Variants in ARID1B observed in about 807,000 individuals in gnomAD.
ARID1B encodes AT-rich interaction domain 1B, also known as AT-rich interactive domain-containing protein 1B.
A neutral mutation model predicts 212.3 loss-of-function variants in ARID1B; 30 were observed. The ratio of observed to expected loss-of-function variants is 0.14; its 90% CI spans 0.11 to 0.19. The LOEUF is 0.19. Ranked by LOEUF, ARID1B falls within the 10% of genes least tolerant of loss-of-function variation. The pLI is 1.00. For synonymous variants in ARID1B, 1,402 were observed against 1,301.7 expected (o/e 1.08, Z -1.66); for missense variants, 2,891 against 3,204.0 (o/e 0.90, Z 2.36).
rs527645661 is a variant in ARID1B, at chr6:156,806,585, C to T, written c.1792-22642C>T. Among the ~76,000 whole-genome samples the T allele has an allele frequency of 3.3e-5, 5 of 152,256 alleles. No individual in the cohort carries two copies. The South Asian group carries it at 6.2e-4, about 19-fold the overall frequency. On this transcript the variant is annotated intron_variant, in intron 1 of 19. Transcript: ENST00000636930. ...TTATCTAGTCCTCACAGTAATCTTG[C>T]GAGGTTTGGTTAATATCCCTGTTTC...
chr6:156,856,700 T>TCA (rs141705209), intron 2 of ARID1B, among the ~76,000 whole-genome samples: 581 of 114,706 alleles, frequency 5.1e-3, no homozygotes, highest in Middle Eastern at 0.023. Flanking sequence ...TCTCTCTCTC[T>TCA]CACACACACA....
At chr6:156,959,967 G>T (rs1193609369) in intron 4 of ARID1B, among the ~76,000 whole-genome samples, 1 of 134,366 alleles carries the variant, frequency 7.4e-6, no homozygotes. Context: ...GTCTCACTCT[G>T]TCGCCCTGGC....
chr6:156,778,201 ACCACCACCACCACCATGCCCACCACCT>A lies in ARID1B; in HGVS notation c.535_561del (p.His179_His187del), dbSNP rs1225430487. 21 of 1,505,312 alleles carry A rather than the reference ACCACCACCACCACCATGCCCACCACCT, an allele frequency of 1.4e-5. No homozygotes were observed. The highest frequency in any genetic ancestry group is 2.0e-5 in the Admixed American group (1 of 49,792). 93.2% of individuals were successfully genotyped at this position (1,505,312 alleles called of 1,614,324 possible). A position where few individuals can be genotyped will look rare whatever the true frequency, so the allele number is the denominator to read the frequency against. On this transcript the variant is annotated inframe_deletion, in exon 1 of 20. Transcript: ENST00000636930. ...CAGCACCACCACCACCACCATGCCC[ACCACCACCACCACCATGCCCACCACCT>A]CCACCACCACCACGCACTACAGCAG...
At chr6:157,005,422 GGGATTACA>G (rs969680181) in intron 4 of ARID1B, among the ~76,000 whole-genome samples, 2 of 152,102 alleles carry the variant, frequency 1.3e-5, no homozygotes, top group Non-Finnish European at 2.9e-5. Context: ...CCAAAGTGCT[GGGATTACA>G]GGCGTGAGTC....
At chr6:156,844,878 A>G (rs6912237) in intron 2 of ARID1B, among the ~76,000 whole-genome samples, 14,684 of 152,148 alleles carry the variant, frequency 0.097, 967 homozygotes, top group East Asian at 0.3. Flanking sequence ...ACTGCCCATT[A>G]TTTTACGTTT....
At chr6:156,902,734 T>TAAA (rs1789049485) in intron 3 of ARID1B, among the ~76,000 whole-genome samples, 1 of 44,334 alleles carries the variant, frequency 2.3e-5, no homozygotes, top group Non-Finnish European at 3.8e-5. Flanking sequence ...AGACTCTGTC[T>TAAA]CAAAAAAAAA....
At chr6:157,077,503 C>A (rs1053567501) in intron 4 of ARID1B, among the ~76,000 whole-genome samples, 1 of 152,126 alleles carries the variant, frequency 6.6e-6, no homozygotes, top group Non-Finnish European at 1.5e-5. Context: ...TGAGCATGCC[C>A]TCCCCTCACT....
chr6:157,118,902 A>G (rs1173774437), intron 6 of ARID1B, among the ~76,000 whole-genome samples: 1 of 152,250 alleles, frequency 6.6e-6, no homozygotes, highest in Admixed American at 6.5e-5. Context: ...TGAATTGCCA[A>G]TTAAAGTGGG....
intron 1 of ARID1B, among the ~76,000 whole-genome samples, chr6:156,807,131 A>C (rs1781220470): frequency 7.1e-6 from 1 of 140,482 alleles, no homozygotes; most frequent in Non-Finnish European, 1.6e-5. Context: ...CCGTCCAAGT[A>C]TTGTGCACCC....
chr6:156,945,444 G>A (rs1401681134), intron 4 of ARID1B, among the ~76,000 whole-genome samples: 1 of 151,458 alleles, frequency 6.6e-6, no homozygotes, highest in Non-Finnish European at 1.5e-5. Context: ...AGGCCACAGT[G>A]AGCCTGGGGA....
chr6:157,114,523 C>CAAAAAAAAAAAAAAAAA (rs111845551), intron 6 of ARID1B, among the ~76,000 whole-genome samples: 2 of 50,384 alleles, frequency 4.0e-5, no homozygotes, highest in African/African-American at 1.3e-4. Context: ...CACTCCGTCT[C>CAAAAAAAAAAAAAAAAA]AAAAAAAAAA....
At position 156,897,264 on chromosome 6, in the gene ARID1B, C is replaced by CTTATTATTATTATTATTATTATTATTA. The variant is rs1163995525; in HGVS notation, c.1987-4086_1987-4085insATTATTATTATTATTATTATTATTATT. 2.5e-3 allele frequency among the ~76,000 whole-genome samples: 209 copies of CTTATTATTATTATTATTATTATTATTA among 83,572 alleles called. 1 individual carries two copies. The highest frequency in any genetic ancestry group is 3.7e-3 in the Non-Finnish European group (153 of 41,632). The allele number at this position is 83,572 out of a possible 152,430, so 54.8% of individuals were successfully genotyped here. ...TCTTCTTCTTCTTCTTCTTCTTCTT[C>CTTATTATTATTATTATTATTATTATTA]TTATTATTATTATTATTATTATTAT... On this transcript the variant is annotated intron_variant, in intron 2 of 19. Coordinates refer to ENST00000636930, the MANE Select transcript of ARID1B (RefSeq NM_001374828.1).
In ARID1B at chr6:157,204,003, C is replaced by T. The variant is rs560846457; in HGVS notation, c.5394+7C>T. ...TACTTTCAATCTCTCCCAGGTAAGCCAGCATAGTCCAACTAACAACCAAAT... is the reference window on the plus strand; with the variant it reads ...TACTTTCAATCTCTCCCAGGTAAGCTAGCATAGTCCAACTAACAACCAAAT... On this transcript the variant is annotated splice_region_variant and intron_variant, in intron 19 of 19. Transcript: ENST00000636930. 1 of 1,613,888 alleles carries T rather than the reference C, an allele frequency of 6.2e-7. No homozygotes were observed. Among genetic ancestry groups the T allele is most frequent in the South Asian group, 1.1e-5 (1 of 91,052 alleles).
chr6:157,094,527 A>T lies in ARID1B; in HGVS notation c.2491+9622A>T, dbSNP rs1696350751. ...ATGTCACCACGCTTGGCTAATTTTT[A>T]TATTTTTAGTAGAGATGGGGTTTCG... On this transcript the variant is annotated intron_variant, in intron 5 of 19. Coordinates refer to ENST00000636930, the MANE Select transcript of ARID1B (RefSeq NM_001374828.1). This position sits in a 1 kb window ranked among gnomAD's most constrained non-coding sequence, Gnocchi z 4.3. Among the ~76,000 whole-genome samples, 1 of 151,836 alleles carries T rather than the reference A, an allele frequency of 6.6e-6. No individual in the cohort carries two copies. The highest frequency in any genetic ancestry group is 2.4e-5 in the African/African-American group (1 of 41,326).
intron 4 of ARID1B, among the ~76,000 whole-genome samples, chr6:157,010,917 T>C (rs1779569253): frequency 1.3e-5 from 2 of 152,226 alleles, no homozygotes; most frequent in African/African-American, 2.4e-5. Flanking sequence ...ATTATTAGTT[T>C]AACTTTTTAA....
chr6:157,144,601 G>GGGA lies in ARID1B; in HGVS notation c.2762-4006_2762-4004dup, dbSNP rs542784525. On this transcript the variant is annotated intron_variant, in intron 7 of 19. Transcript: ENST00000636930. ...TGGAAGCGAAGGGGATGTGAGCTTG[G>GGGA]GGAGGAGGAGGAGGAGGAGTCTGAA... is the stretch of plus-strand genomic sequence containing the variant. Among the ~76,000 whole-genome samples, 88 of 152,206 alleles carry GGGA rather than the reference G, an allele frequency of 5.8e-4. 1 individual carries two copies. Among genetic ancestry groups the GGGA allele is most frequent in the Admixed American group, 1.6e-3 (24 of 15,280 alleles).
chr6:156,913,622 G>A (rs1344699531), intron 3 of ARID1B, among the ~76,000 whole-genome samples: 2 of 151,934 alleles, frequency 1.3e-5, no homozygotes, highest in African/African-American at 2.4e-5. Flanking sequence ...ATCTTTGATC[G>A]ACATCTTCCC....
chr6:157,064,634 A>T (rs1008102724), intron 4 of ARID1B, among the ~76,000 whole-genome samples: 2 of 152,190 alleles, frequency 1.3e-5, no homozygotes, highest in African/African-American at 4.8e-5. Context: ...GAACACTTCC[A>T]AATGCACCTT....
rs767952510 is a variant in ARID1B at position 156,778,178 on chromosome 6, G to GCACCACCACCACCACCATGCC, written c.527_547dup (p.His176_His182dup). The GCACCACCACCACCACCATGCC allele has an allele frequency of 2.6e-5, 40 of 1,540,206 alleles. No homozygotes were observed. Among genetic ancestry groups the GCACCACCACCACCACCATGCC allele is most frequent in the African/African-American group, 9.6e-5 (7 of 72,744 alleles). ...CCCCCGCCGCGCCGCCCCACCAGCA[G>GCACCACCACCACCACCATGCC]CACCACCACCACCACCATGCCCACC... On this transcript the variant is annotated inframe_insertion, in exon 1 of 20. Transcript: ENST00000636930.
Sources: allele counts gnomAD v4.1 joint callset (sites outside exome capture counted in the v4.1 genomes callset), GRCh38; gene constraint gnomAD v4.1.1; non-coding constraint Gnocchi (gnomAD v3.1); transcripts MANE v1.5; gene names NCBI Gene and HGNC (gene_info 2026-07-23, HGNC 2026-07-21).